TNNI3K: variants seen among roughly 807,000 people sequenced by gnomAD.
TNNI3K encodes TNNI3 interacting kinase, also known as serine/threonine-protein kinase TNNI3K.
Under a neutral mutation model 114.5 loss-of-function variants are expected in TNNI3K, and 140 were observed. The ratio of observed to expected loss-of-function variants is 1.22; its 90% CI spans 1.07 to 1.41. The LOEUF (loss-of-function observed/expected upper bound fraction) is 1.41, where lower values mean the gene tolerates loss of function less well. Among genes scored for constraint, TNNI3K ranks in the 40% most tolerant of loss-of-function variants. The pLI is 0.00. For missense variants in TNNI3K, 1,125 were observed against 1,007.6 expected, an observed-to-expected ratio of 1.12 and a Z score of -1.58; for synonymous variants, 347 against 347.5, an observed-to-expected ratio of 1.00 and a Z score of 0.02.
chr1:74,454,390 T>G (rs1281472216), intron 20 of TNNI3K, among the ~76,000 whole-genome samples: 3 of 152,156 alleles, frequency 2.0e-5, no homozygotes, highest in Non-Finnish European at 4.4e-5. Context: ...CTTCCCAGCC[T>G]CTGGTAACTA....
At chr1:74,484,478 G>A (rs776400230) in intron 21 of TNNI3K, among the ~76,000 whole-genome samples, 1 of 152,138 alleles carries the variant, frequency 6.6e-6, no homozygotes, top group African/African-American at 2.4e-5. Flanking sequence ...TATGTATTAA[G>A]TCATATGGTG....
chr1:74,375,445 A>C (rs896027776), intron 17 of TNNI3K: 85 of 394,902 alleles, frequency 2.2e-4, no homozygotes, highest in African/African-American at 1.6e-3. Flanking sequence ...CCACAAGATT[A>C]GAAATAATGG....
chr1:74,426,266 T>G (rs1665636981), intron 17 of TNNI3K, among the ~76,000 whole-genome samples: 1 of 152,064 alleles, frequency 6.6e-6, no homozygotes, highest in African/African-American at 2.4e-5. Flanking sequence ...CCTGAAGTCA[T>G]ACTTTTAAAA....
In TNNI3K at chr1:74,544,354, G is replaced by A. The variant is rs199873842; in HGVS notation, c.*372G>A. On this transcript the variant is annotated 3_prime_UTR_variant, in exon 25 of 25. Coordinates refer to ENST00000326637, the MANE Select transcript of TNNI3K (RefSeq NM_015978.3). ...CTATGGGTTTATTTCTTAGAACATT[G>A]TTCATTTTCTTTTCTCATTATGTTA... is the stretch of plus-strand genomic sequence containing the variant. 2 of 170,114 alleles carry A rather than the reference G, an allele frequency of 1.2e-5. No homozygotes were observed. The highest frequency in any genetic ancestry group is 2.4e-5 in the African/African-American group (1 of 41,988). The allele number at this position is 170,114 out of a possible 1,614,324, so 10.5% of individuals were successfully genotyped here.
intron 5 of TNNI3K, among the ~76,000 whole-genome samples, chr1:74,284,969 A>G (rs779524701): frequency 1.3e-5 from 2 of 152,264 alleles, no homozygotes; most frequent in Admixed American, 6.5e-5. Flanking sequence ...TGAGCTATTC[A>G]GGAGACTTGA....
intron 2 of TNNI3K, among the ~76,000 whole-genome samples, chr1:74,244,339 A>C (rs569209227): frequency 3.3e-5 from 5 of 152,248 alleles, no homozygotes; most frequent in African/African-American, 1.2e-4. Flanking sequence ...GCAGCGGCTC[A>C]GTTTAAAGCA....
chr1:74,289,478 T>C (rs1657540254), intron 5 of TNNI3K, among the ~76,000 whole-genome samples: 2 of 3,332 alleles, frequency 6.0e-4, no homozygotes, highest in Admixed American at 6.4e-3. Context: ...AACTCACCCA[T>C]AGGTAGTGTC....
At chr1:74,294,862 T>G (rs1013632697) in intron 5 of TNNI3K, among the ~76,000 whole-genome samples, 1 of 151,884 alleles carries the variant, frequency 6.6e-6, no homozygotes, top group Non-Finnish European at 1.5e-5. Context: ...TCTTCTCTAT[T>G]TTTTTTACTC....
intron 23 of TNNI3K, among the ~76,000 whole-genome samples, chr1:74,509,772 T>G (rs1267205065): frequency 1.5e-3 from 207 of 139,224 alleles, no homozygotes; most frequent in African/African-American, 4.9e-3. Context: ...TTTTTTTTTT[T>G]TTTTTGAGAC....
At chr1:74,464,206 C>T (rs769716739) in intron 21 of TNNI3K, among the ~76,000 whole-genome samples, 70 of 152,192 alleles carry the variant, frequency 4.6e-4, no homozygotes, top group Non-Finnish European at 8.7e-4. Context: ...AGTGTGCAGA[C>T]GGGTTATGTC....
chr1:74,540,831 A>T (rs1194126373), intron 24 of TNNI3K, among the ~76,000 whole-genome samples: 1 of 152,170 alleles, frequency 6.6e-6, no homozygotes, highest in Non-Finnish European at 1.5e-5. Context: ...ACAGCTGGAG[A>T]GGCAGTGAGG....
intron 5 of TNNI3K, among the ~76,000 whole-genome samples, chr1:74,286,704 C>G (rs1263639059): frequency 1.3e-5 from 2 of 151,692 alleles, no homozygotes; most frequent in East Asian, 3.9e-4. Flanking sequence ...ACTGCAAACC[C>G]CAATGGATAA....
chr1:74,479,377 A>C (rs917267951), intron 21 of TNNI3K, among the ~76,000 whole-genome samples: 2 of 152,368 alleles, frequency 1.3e-5, no homozygotes, highest in East Asian at 3.9e-4. Flanking sequence ...AATTACAAAA[A>C]ATATATAAAG....
chr1:74,469,354 C>A (rs908388900), intron 21 of TNNI3K: 1 of 152,434 alleles, frequency 6.6e-6, no homozygotes, highest in Non-Finnish European at 1.5e-5. Context: ...ATGAAACATA[C>A]CAATATGCAT....
intron 20 of TNNI3K, among the ~76,000 whole-genome samples, chr1:74,452,382 T>C (rs1239939008): frequency 6.6e-6 from 1 of 152,210 alleles, no homozygotes; most frequent in Non-Finnish European, 1.5e-5. Context: ...TCAGTGGCAC[T>C]CTCGTTCTCT....
intron 21 of TNNI3K, among the ~76,000 whole-genome samples, chr1:74,482,434 T>C (rs928802294): frequency 3.3e-5 from 5 of 152,210 alleles, no homozygotes; most frequent in African/African-American, 1.2e-4. Context: ...CCATTTTAGA[T>C]GGTGAGAGTT....
intron 5 of TNNI3K, among the ~76,000 whole-genome samples, chr1:74,281,011 C>T (rs986330402): frequency 4.6e-5 from 7 of 152,098 alleles, no homozygotes; most frequent in East Asian, 1.9e-4. Flanking sequence ...TAGCAGACTC[C>T]GGAAGCCCTC....
chr1:74,378,716 G>A (rs778439798), intron 17 of TNNI3K: 45 of 141,960 alleles, frequency 3.2e-4, no homozygotes, highest in Middle Eastern at 7.8e-3. Context: ...TGACAGTGAC[G>A]CTGAGGGCTT....
At chr1:74,320,000 A>G (rs1261991208) in intron 5 of TNNI3K, among the ~76,000 whole-genome samples, 2 of 152,146 alleles carry the variant, frequency 1.3e-5, no homozygotes, top group Non-Finnish European at 2.9e-5. Flanking sequence ...TTTCCTAGCC[A>G]TGTGTTGGGT....
Sources: allele counts gnomAD v4.1 joint callset (sites outside exome capture counted in the v4.1 genomes callset), GRCh38; gene constraint gnomAD v4.1.1; transcripts MANE v1.5; gene names NCBI Gene and HGNC (gene_info 2026-07-23, HGNC 2026-07-21).